Variants in CACNA1E observed in about 807,000 individuals in gnomAD.
CACNA1E encodes calcium voltage-gated channel subunit alpha1 E, also known as voltage-dependent R-type calcium channel subunit alpha-1E.
A neutral mutation model predicts 259.2 loss-of-function variants in CACNA1E; 40 were observed. That is an observed-to-expected ratio of 0.15 (90% CI 0.12 to 0.20). CACNA1E has a LOEUF of 0.20. Among genes scored for constraint, CACNA1E ranks in the 10% least tolerant of loss-of-function variants. The pLI, the probability that CACNA1E is intolerant of heterozygous loss-of-function variation, is 1.00. For synonymous variants in CACNA1E, 1,104 were observed against 1,138.5 expected (o/e 0.97, Z 0.61); for missense variants, 1,874 against 3,040.1 (o/e 0.62, Z 9.02).
intron 3 of CACNA1E, 57 bp downstream of exon 3, chr1:181,511,567 A>G: frequency 1.3e-6 from 2 of 1,595,898 alleles, no homozygotes; most frequent in South Asian, 2.2e-5. Flanking sequence ...TGGTATCATG[A>G]GGTGGCTGGG....
At position 181,484,043 on chromosome 1, in the gene CACNA1E, C is replaced by G. The variant is rs1291155665; in HGVS notation, c.266+33C>G. ...TTCTTGCCCACCATAACTCCCTCTCCCCCTTTGCATTTCTTCGGGTGAAGG... is the reference window on the plus strand; with the variant it reads ...TTCTTGCCCACCATAACTCCCTCTCGCCCTTTGCATTTCTTCGGGTGAAGG... On this transcript the variant is annotated intron_variant, in intron 1 of 47. Transcript: ENST00000367573. The G allele has an allele frequency of 1.9e-6, 3 of 1,598,178 alleles. No homozygotes were observed. The African/African-American group carries it at 4.0e-5, about 21-fold the overall frequency.
chr1:181,444,389 T>C (rs149160464), intron 2 of CACNA1E, among the ~76,000 whole-genome samples: 62 of 147,464 alleles, frequency 4.2e-4, no homozygotes, highest in African/African-American at 1.4e-3. Context: ...GAAGGAGAGG[T>C]AAAAGAGAGG....
chr1:181,577,709 G>C, intron 3 of CACNA1E, 57 bp from the exon 4 acceptor site: 1 of 1,210,850 alleles, frequency 8.3e-7, no homozygotes, highest in Non-Finnish European at 1.2e-6. Context: ...TTCCTGCATG[G>C]AACAAGAGGG....
intron 3 of CACNA1E, among the ~76,000 whole-genome samples, chr1:181,557,848 G>A (rs1312670623): frequency 1.3e-5 from 2 of 152,174 alleles, no homozygotes; most frequent in Non-Finnish European, 2.9e-5. Flanking sequence ...CTGCCAAAAG[G>A]GATCCCACCC....
At chr1:181,418,931 G>T (rs1393721261) in intron 2 of CACNA1E, among the ~76,000 whole-genome samples, 1 of 151,610 alleles carries the variant, frequency 6.6e-6, no homozygotes, top group Non-Finnish European at 1.5e-5. Flanking sequence ...GATTGAAGCT[G>T]GTACCATTAT....
intron 7 of CACNA1E, among the ~76,000 whole-genome samples, chr1:181,655,520 C>A (rs999461393): frequency 1.3e-5 from 2 of 152,102 alleles, no homozygotes; most frequent in Non-Finnish European, 2.9e-5. Flanking sequence ...AGCTCGAATA[C>A]CAATTGTTTT....
intron 6 of CACNA1E, among the ~76,000 whole-genome samples, chr1:181,605,117 G>A (rs1327301298): frequency 6.6e-6 from 1 of 152,192 alleles, no homozygotes; most frequent in Non-Finnish European, 1.5e-5. Context: ...GTGCTTTTGA[G>A]TGTGTGCATG....
intron 1 of CACNA1E, among the ~76,000 whole-genome samples, chr1:181,493,276 CT>C (rs1294069306): frequency 6.6e-6 from 1 of 152,148 alleles, no homozygotes. Context: ...ATATCAAAGC[CT>C]TTATGAGCAA....
chr1:181,759,763 C>A (rs946498582), intron 32 of CACNA1E, among the ~76,000 whole-genome samples: 7 of 152,276 alleles, frequency 4.6e-5, no homozygotes, highest in Non-Finnish European at 8.8e-5. Flanking sequence ...GCTTTCCCTG[C>A]AAGGAGGAGA....
At chr1:181,539,808 C>A (rs766449212) in intron 3 of CACNA1E, among the ~76,000 whole-genome samples, 19 of 152,212 alleles carry the variant, frequency 1.2e-4, no homozygotes, top group Non-Finnish European at 2.4e-4. Context: ...CTTGTCTCCA[C>A]AGAAGATAGA....
intron 2 of CACNA1E, among the ~76,000 whole-genome samples, chr1:181,458,900 G>T (rs915343791): frequency 1.3e-5 from 2 of 152,002 alleles, no homozygotes; most frequent in Non-Finnish European, 2.9e-5. Context: ...AAATATTCAA[G>T]AAATAACCAT....
intron 25 of CACNA1E, among the ~76,000 whole-genome samples, chr1:181,748,731 C>A (rs12131032): frequency 0.34 from 51,557 of 152,092 alleles, 9,841 homozygotes; most frequent in Non-Finnish European, 0.44. Flanking sequence ...TTTCATTTTT[C>A]CTATGGCAGC....
At chr1:181,377,299 A>G (rs1655171034) in intron 1 of CACNA1E, among the ~76,000 whole-genome samples, 1 of 152,178 alleles carries the variant, frequency 6.6e-6, no homozygotes, top group South Asian at 2.1e-4. Flanking sequence ...GGAAGGGGAG[A>G]TGCTAGAATT....
At chr1:181,655,922 T>C (rs1383760670) in intron 7 of CACNA1E, among the ~76,000 whole-genome samples, 1 of 152,212 alleles carries the variant, frequency 6.6e-6, no homozygotes, top group Non-Finnish European at 1.5e-5. Flanking sequence ...TATGCAACAG[T>C]GGTCCCACAG....
At chr1:181,576,468 G>A (rs1043409983) in intron 3 of CACNA1E, among the ~76,000 whole-genome samples, 25 of 152,198 alleles carry the variant, frequency 1.6e-4, no homozygotes, top group African/African-American at 5.3e-4. Flanking sequence ...ATCTGCTTCC[G>A]AGGGCCATAG....
At chr1:181,603,239 T>C (rs1217688010) in intron 6 of CACNA1E, among the ~76,000 whole-genome samples, 2 of 152,204 alleles carry the variant, frequency 1.3e-5, no homozygotes, top group Non-Finnish European at 2.9e-5. Flanking sequence ...GAGCGCTCTG[T>C]GGATATAAAC....
At chr1:181,332,909 G>A (rs1229074246) in intron 1 of CACNA1E, among the ~76,000 whole-genome samples, 3 of 152,154 alleles carry the variant, frequency 2.0e-5, no homozygotes, top group African/African-American at 7.2e-5. Context: ...CTCGATCAAG[G>A]CTATCCATCG....
intron 2 of CACNA1E, among the ~76,000 whole-genome samples, chr1:181,417,283 G>A (rs144171483): frequency 2.2e-3 from 332 of 152,144 alleles, no homozygotes; most frequent in African/African-American, 7.8e-3. Flanking sequence ...ATAAAATAGT[G>A]ACCTTTCACT....
chr1:181,396,399 G>T (rs1656684494), intron 1 of CACNA1E, among the ~76,000 whole-genome samples: 1 of 152,188 alleles, frequency 6.6e-6, no homozygotes, highest in Admixed American at 6.5e-5. Flanking sequence ...AGAACAATTG[G>T]TCATTGGGTT....
Sources: allele counts gnomAD v4.1 joint callset (sites outside exome capture counted in the v4.1 genomes callset), GRCh38; gene constraint gnomAD v4.1.1; transcripts MANE v1.5; gene names NCBI Gene and HGNC (gene_info 2026-07-23, HGNC 2026-07-21).